TUSC3: variants seen among roughly 807,000 people sequenced by gnomAD.
The protein encoded by TUSC3 is tumor suppressor candidate 3, also known as dolichyl-diphosphooligosaccharide--protein glycosyltransferase subunit TUSC3.
Under a neutral mutation model 44.8 loss-of-function variants are expected in TUSC3, and 45 were observed. That is an observed-to-expected ratio of 1.00 (90% CI 0.79 to 1.29). TUSC3 has a LOEUF of 1.29. Among genes scored for constraint, TUSC3 ranks in the 50% most tolerant of loss-of-function variants. The probability of loss-of-function intolerance (pLI) is 0.00; values close to 1 mark genes in which losing one functional copy is unlikely to be tolerated. For synonymous variants in TUSC3, 212 were observed against 152.9 expected (o/e 1.39, Z -2.85); for missense variants, 519 against 437.9 (o/e 1.19, Z -1.65).
At chr8:15,474,360 A>G (rs1420012444) in intron 1 of TUSC3, among the ~76,000 whole-genome samples, 1 of 152,216 alleles carries the variant, frequency 6.6e-6, no homozygotes, top group Non-Finnish European at 1.5e-5. Context: ...TTACAAAGAT[A>G]ACAGGATTAA....
At chr8:15,509,466 G>C (rs1014624662) in intron 2 of TUSC3, among the ~76,000 whole-genome samples, 4 of 152,122 alleles carry the variant, frequency 2.6e-5, no homozygotes, top group Non-Finnish European at 5.9e-5. Flanking sequence ...AAATTAGCTA[G>C]GTGAGGTGGC....
intron 6 of TUSC3, among the ~76,000 whole-genome samples, chr8:15,699,868 G>A (rs1017377528): frequency 2.0e-5 from 3 of 152,090 alleles, no homozygotes; most frequent in Non-Finnish European, 4.4e-5. Flanking sequence ...TTCAACAAGT[G>A]CTATAGAAGG....
the TUSC3 span, among the ~76,000 whole-genome samples, chr8:15,825,026 G>C: frequency 6.6e-6 from 1 of 152,046 alleles, no homozygotes; most frequent in Non-Finnish European, 1.5e-5. Context: ...ATTTTCAAAG[G>C]TTATATATAT....
chr8:15,758,632 A>G (rs1224001218), intron 10 of TUSC3, among the ~76,000 whole-genome samples: 2 of 152,052 alleles, frequency 1.3e-5, no homozygotes, highest in Non-Finnish European at 2.9e-5. Flanking sequence ...TAGGGAAGGA[A>G]TGGGAAGCTC....
intron 1 of TUSC3, among the ~76,000 whole-genome samples, chr8:15,570,954 GTTTTTTTTTTTTTT>G (rs549277334): frequency 1.3e-4 from 6 of 44,494 alleles, no homozygotes; most frequent in African/African-American, 2.9e-4. Flanking sequence ...TTGCCTATTA[GTTTTTTTTTTTTTT>G]TTTTTTGAGA....
chr8:15,828,989 T>G, the TUSC3 span, among the ~76,000 whole-genome samples: 1 of 152,216 alleles, frequency 6.6e-6, no homozygotes, highest in Non-Finnish European at 1.5e-5. Flanking sequence ...GGAAAAAGTA[T>G]CCAATTCTAG....
the TUSC3 span, among the ~76,000 whole-genome samples, chr8:15,802,532 C>T: frequency 9.8e-5 from 15 of 152,288 alleles, no homozygotes; most frequent in East Asian, 2.9e-3. Context: ...AGTGATTCTC[C>T]TGCCTCAGCC....
At chr8:15,535,828 G>T (rs1417377514), upstream of TUSC3, among the ~76,000 whole-genome samples, 1 of 152,124 alleles carries the variant, frequency 6.6e-6, no homozygotes, top group African/African-American at 2.4e-5. Context: ...ATGACGTGTT[G>T]GGAGATCAGA....
chr8:15,419,966 T>C (rs1446619936), intron 1 of TUSC3, among the ~76,000 whole-genome samples: 1 of 152,154 alleles, frequency 6.6e-6, no homozygotes, highest in Non-Finnish European at 1.5e-5. Context: ...AATCAGTGAG[T>C]AAAGGACAAT....
chr8:15,826,336 C>T, the TUSC3 span, among the ~76,000 whole-genome samples: 41 of 152,086 alleles, frequency 2.7e-4, no homozygotes, highest in African/African-American at 8.2e-4. Flanking sequence ...TTCCAGACAG[C>T]GAATAAATAA....
intron 1 of TUSC3, among the ~76,000 whole-genome samples, chr8:15,542,739 TAGGG>T (rs1226238649): frequency 2.0e-5 from 3 of 152,218 alleles, no homozygotes; most frequent in African/African-American, 4.8e-5. Flanking sequence ...AATGAAAAAT[TAGGG>T]AGAACATTGT....
At chr8:15,640,044 T>A (rs1470769051) in intron 2 of TUSC3, among the ~76,000 whole-genome samples, 1 of 152,180 alleles carries the variant, frequency 6.6e-6, no homozygotes, top group Non-Finnish European at 1.5e-5. Context: ...ATATGGGAAC[T>A]TGGATTTTGG....
intron 2 of TUSC3, among the ~76,000 whole-genome samples, chr8:15,506,675 A>G (rs955727864): frequency 6.6e-6 from 1 of 152,158 alleles, no homozygotes; most frequent in African/African-American, 2.4e-5. Context: ...GGATCTTGTG[A>G]GACTTATTCA....
the TUSC3 span, among the ~76,000 whole-genome samples, chr8:15,851,085 T>G: frequency 0.96 from 145,965 of 152,290 alleles, 70,004 homozygotes; most frequent in Non-Finnish European, 0.97. Flanking sequence ...CGCGACGCTT[T>G]TCGGAAGGTA....
intron 2 of TUSC3, among the ~76,000 whole-genome samples, chr8:15,526,559 T>A (rs1056384568): frequency 6.6e-6 from 1 of 151,370 alleles, no homozygotes; most frequent in African/African-American, 2.4e-5. Flanking sequence ...TCTCAGGAGA[T>A]CTTATCGTTT....
chr8:15,765,953 A>G lies in TUSC3; in HGVS notation c.*1797A>G, dbSNP rs1812314219. On this transcript the variant is annotated 3_prime_UTR_variant, in exon 11 of 11. Transcript: ENST00000503731. ...TAAATCTCAGAATTATCTTGCAGTT[A>G]ATATGCAGCTGATTAAATGATATTA... 6.6e-6 allele frequency: 1 copy of G among 152,102 alleles called. No individual in the cohort carries two copies. Among genetic ancestry groups the G allele is most frequent in the Non-Finnish European group, 1.5e-5 (1 of 67,978 alleles). The allele number at this position is 152,102 out of a possible 1,614,324, so 9.4% of individuals were successfully genotyped here. A position where few individuals can be genotyped will look rare whatever the true frequency, so the allele number is the denominator to read the frequency against.
intron 2 of TUSC3, among the ~76,000 whole-genome samples, chr8:15,625,612 C>T (rs756914784): frequency 2.0e-5 from 3 of 152,142 alleles, no homozygotes; most frequent in African/African-American, 4.8e-5. Context: ...CCAGCATTGT[C>T]CATGTTGTAT....
intron 5 of TUSC3, among the ~76,000 whole-genome samples, chr8:15,669,944 A>T (rs75034829): frequency 0.023 from 3,437 of 151,866 alleles, 125 homozygotes; most frequent in African/African-American, 0.077. Context: ...TAAATTGGGT[A>T]AGGTTAATGA....
intron 10 of TUSC3, among the ~76,000 whole-genome samples, chr8:15,760,912 T>G (rs1812145112): frequency 6.6e-6 from 1 of 152,168 alleles, no homozygotes; most frequent in African/African-American, 2.4e-5. Flanking sequence ...GTTCTCAGAG[T>G]TTTGCTTTTT....
Sources: allele counts gnomAD v4.1 joint callset (sites outside exome capture counted in the v4.1 genomes callset), GRCh38; gene constraint gnomAD v4.1.1; transcripts MANE v1.5; gene names NCBI Gene and HGNC (gene_info 2026-07-23, HGNC 2026-07-21).